The following PHACTR1 variants were observed in gnomAD, a reference collection of about 807,000 sequenced individuals.
PHACTR1 encodes the protein phosphatase and actin regulator 1.
A neutral mutation model predicts 69.2 loss-of-function variants in PHACTR1; 16 were observed. The observed-to-expected ratio is 0.23, with a 90% CI of 0.16 to 0.35. PHACTR1 has a LOEUF of 0.35. PHACTR1 is among the 10% of genes least tolerant of loss of function. PHACTR1 has a pLI of 1.00. For missense variants in PHACTR1, 510 were observed against 734.7 expected, an observed-to-expected ratio of 0.69 and a Z score of 3.54; for synonymous variants, 312 against 284.5, an observed-to-expected ratio of 1.10 and a Z score of -0.97.
intron 4 of PHACTR1, among the ~76,000 whole-genome samples, chr6:12,888,333 G>A (rs903600545): frequency 1.3e-5 from 2 of 152,050 alleles, no homozygotes; most frequent in Non-Finnish European, 2.9e-5. Context: ...AAACCTGTGG[G>A]TGCCTTGATT....
At chr6:12,845,429 A>ACACC (rs1420703977) in intron 4 of PHACTR1, among the ~76,000 whole-genome samples, 2 of 18,028 alleles carry the variant, frequency 1.1e-4, no homozygotes, top group African/African-American at 2.3e-4. Context: ...AACACCACCC[A>ACACC]CCCCCCCCCC....
intron 4 of PHACTR1, among the ~76,000 whole-genome samples, chr6:12,922,564 C>T (rs1787837748): frequency 6.6e-6 from 1 of 152,138 alleles, no homozygotes; most frequent in African/African-American, 2.4e-5. Context: ...AAGTCACATC[C>T]ATAAACATGG....
At chr6:12,978,378 G>A (rs1163342658) in intron 4 of PHACTR1, among the ~76,000 whole-genome samples, 1 of 152,164 alleles carries the variant, frequency 6.6e-6, no homozygotes, top group East Asian at 1.9e-4. Flanking sequence ...GTTCTTGCCA[G>A]GCTCTCAGGA....
chr6:12,883,363 C>T (rs535582495), intron 4 of PHACTR1, among the ~76,000 whole-genome samples: 5 of 152,048 alleles, frequency 3.3e-5, no homozygotes, highest in South Asian at 2.1e-4. Context: ...TATAGGTGCC[C>T]GCCACCACGC....
chr6:13,218,458 C>A (rs1768014698), intron 8 of PHACTR1, among the ~76,000 whole-genome samples: 1 of 152,166 alleles, frequency 6.6e-6, no homozygotes, highest in Admixed American at 6.5e-5. Flanking sequence ...AAAGTCTGGG[C>A]CTTACCCTTA....
At chr6:13,273,251 G>C (rs557147004) in intron 11 of PHACTR1, 45 of 269,446 alleles carry the variant, frequency 1.7e-4, no homozygotes, top group African/African-American at 9.3e-4. Flanking sequence ...ACCAGAATTG[G>C]CTTGAAAATG....
intron 4 of PHACTR1, among the ~76,000 whole-genome samples, chr6:13,025,447 C>T (rs995642937): frequency 6.6e-5 from 10 of 152,098 alleles, no homozygotes; most frequent in African/African-American, 9.7e-5. Context: ...GACATAGTGC[C>T]GCAGAGTCCT....
intron 4 of PHACTR1, among the ~76,000 whole-genome samples, chr6:13,046,126 T>A (rs533316953): frequency 6.6e-6 from 1 of 152,294 alleles, no homozygotes; most frequent in Non-Finnish European, 1.5e-5. Context: ...GACTGCCAGA[T>A]GTCATGATGT....
At chr6:13,272,793 C>T (rs114154087) in intron 10 of PHACTR1, 67 bp from the exon 11 acceptor site, 23 of 1,613,786 alleles carry the variant, frequency 1.4e-5, no homozygotes, top group South Asian at 3.3e-5. Context: ...CTGCAAGGGC[C>T]GAGGAAATTA....
chr6:12,726,840 G>T, intron 3 of PHACTR1, among the ~76,000 whole-genome samples: 1 of 152,122 alleles, frequency 6.6e-6, no homozygotes, highest in Admixed American at 6.5e-5. Context: ...CCTCCCACCT[G>T]CCCCTCAGAG....
intron 4 of PHACTR1, among the ~76,000 whole-genome samples, chr6:12,889,277 A>C (rs570561176): frequency 6.6e-6 from 1 of 152,296 alleles, no homozygotes; most frequent in African/African-American, 2.4e-5. Context: ...TCTCAAAAAC[A>C]CACAAATAAA....
At chr6:12,991,991 A>G (rs144974169) in intron 4 of PHACTR1, among the ~76,000 whole-genome samples, 1 of 150,940 alleles carries the variant, frequency 6.6e-6, no homozygotes, top group Admixed American at 6.6e-5. Flanking sequence ...CCTAATTAGT[A>G]TCTGCTATTT....
chr6:13,119,191 C>A (rs1357429725), intron 5 of PHACTR1, among the ~76,000 whole-genome samples: 1 of 152,198 alleles, frequency 6.6e-6, no homozygotes, highest in African/African-American at 2.4e-5. Context: ...AGGCCTTGTG[C>A]ATGGTAAGAA....
At chr6:13,085,949 C>T (rs184221385) in intron 5 of PHACTR1, among the ~76,000 whole-genome samples, 12 of 150,978 alleles carry the variant, frequency 7.9e-5, no homozygotes, top group Non-Finnish European at 1.8e-4. Flanking sequence ...TTGAAAAGAG[C>T]CAAAATTAAT....
intron 4 of PHACTR1, among the ~76,000 whole-genome samples, chr6:12,920,499 T>C (rs1166647727): frequency 6.6e-6 from 1 of 152,270 alleles, no homozygotes; most frequent in African/African-American, 2.4e-5. Context: ...GTGATGTTAA[T>C]GAATGTTTTT....
At chr6:12,950,901 T>C (rs1392298232) in intron 4 of PHACTR1, among the ~76,000 whole-genome samples, 1 of 152,222 alleles carries the variant, frequency 6.6e-6, no homozygotes, top group African/African-American at 2.4e-5. Flanking sequence ...TACCTAGGCC[T>C]CTGAGTTCTT....
At chr6:12,836,420 T>C (rs1413701444) in intron 4 of PHACTR1, among the ~76,000 whole-genome samples, 4 of 152,200 alleles carry the variant, frequency 2.6e-5, no homozygotes, top group Non-Finnish European at 1.5e-5. Flanking sequence ...TGAGTATTTG[T>C]TATCAGGATT....
chr6:13,285,410 CAAG>C (rs1781463287), intron 13 of PHACTR1, among the ~76,000 whole-genome samples: 1 of 152,158 alleles, frequency 6.6e-6, no homozygotes, highest in Admixed American at 6.5e-5. Context: ...CAGAGCTATG[CAAG>C]AAGGCACACG....
intron 4 of PHACTR1, among the ~76,000 whole-genome samples, chr6:12,913,055 T>G (rs1034360966): frequency 1.3e-5 from 2 of 152,176 alleles, no homozygotes; most frequent in Admixed American, 6.5e-5. Flanking sequence ...TTCCCCTATC[T>G]CCCAGCATGC....
Sources: gnomAD v4.1 joint callset for allele counts (sites outside exome capture counted in the v4.1 genomes callset) on GRCh38, gnomAD v4.1.1 for gene constraint, MANE v1.5 for transcripts, NCBI Gene and HGNC (gene_info 2026-07-23, HGNC 2026-07-21) for gene names.